The following LRRC1 variants were observed in gnomAD, a reference collection of about 807,000 sequenced individuals.
LRRC1 encodes the protein leucine-rich repeat-containing protein 1.
A neutral mutation model predicts 69.9 loss-of-function variants in LRRC1; 28 were observed. The ratio of observed to expected loss-of-function variants is 0.40; its 90% CI spans 0.30 to 0.55. The LOEUF is 0.55. Ranked by LOEUF, LRRC1 falls within the 20% of genes least tolerant of loss-of-function variation. The pLI is 0.47. For synonymous variants in LRRC1, 236 were observed against 240.2 expected, an observed-to-expected ratio of 0.98 and a Z score of 0.16; for missense variants, 498 against 609.0, an observed-to-expected ratio of 0.82 and a Z score of 1.92.
chr6:53,865,771 G>A lies in LRRC1; in HGVS notation c.278-13222G>A, dbSNP rs556178620. Among the ~76,000 whole-genome samples, 4 of 151,814 alleles carry A rather than the reference G, an allele frequency of 2.6e-5. No individual in the cohort carries two copies. In the East Asian group the frequency reaches 7.7e-4, roughly 29 times the overall value. ...AGAGTCTTGCTTTGCCACCAGGCTG[G>A]AGTACAGTGGTGTGATCTCGGCTCA... On this transcript the variant is annotated intron_variant, in intron 2 of 13. Transcript: ENST00000370888.
At chr6:53,832,052 T>A (rs2127412793) in intron 1 of LRRC1, among the ~76,000 whole-genome samples, 1 of 152,292 alleles carries the variant, frequency 6.6e-6, no homozygotes. Context: ...TCAGAAAGAA[T>A]CTTCCTAACG....
chr6:53,809,100 T>G (rs761259855), intron 1 of LRRC1, among the ~76,000 whole-genome samples: 2 of 152,216 alleles, frequency 1.3e-5, no homozygotes, highest in East Asian at 1.9e-4. Flanking sequence ...AGCATTTGTT[T>G]TCTCATAGCA....
rs75304589 is a variant in LRRC1 at position 53,826,883 on chromosome 6, C to T, written c.160-15227C>T. 8.3e-3 allele frequency among the ~76,000 whole-genome samples: 1,259 copies of T among 151,666 alleles called. 12 individuals carry two copies. Among genetic ancestry groups the T allele is most frequent in the African/African-American group, 0.028 (1,148 of 41,284 alleles). On this transcript the variant is annotated intron_variant, in intron 1 of 13. Coordinates refer to ENST00000370888, the MANE Select transcript of LRRC1 (RefSeq NM_018214.5). ...CGATTAGTTTCCCTTTCCTTGGTGA[C>T]TATAATGCCTCTATTGTAAATGCAT...
rs117709491 is a variant in LRRC1 at position 53,797,845 on chromosome 6, G to A, written c.159+2430G>A. 2.0e-3 allele frequency among the ~76,000 whole-genome samples: 300 copies of A among 152,352 alleles called. 4 individuals carry two copies. In the East Asian group the frequency reaches 0.041, roughly 21 times the overall value. On this transcript the variant is annotated intron_variant, in intron 1 of 13. Coordinates refer to ENST00000370888, the MANE Select transcript of LRRC1 (RefSeq NM_018214.5). ...TGACTTTCTCAGGGCTGTCCAGTGA[G>A]TTAGATGCAGTTGCTGGTGGGTCTT...
intron 1 of LRRC1, among the ~76,000 whole-genome samples, chr6:53,812,785 T>C (rs933806934): frequency 6.6e-6 from 1 of 151,472 alleles, no homozygotes; most frequent in Admixed American, 6.6e-5. Context: ...GTTTTCTCAG[T>C]TCAGGATGAG....
intron 2 of LRRC1, among the ~76,000 whole-genome samples, chr6:53,861,290 C>T (rs1453508911): frequency 2.0e-5 from 3 of 151,894 alleles, no homozygotes; most frequent in South Asian, 2.1e-4. Context: ...GAACAATGCC[C>T]GAGTCCTACC....
chr6:53,849,585 C>T (rs754764852), intron 2 of LRRC1, among the ~76,000 whole-genome samples: 11 of 152,194 alleles, frequency 7.2e-5, no homozygotes, highest in African/African-American at 2.4e-4. Flanking sequence ...CACCAACATG[C>T]TCGCACCACT....
chr6:53,876,223 A>C (rs896466257), intron 2 of LRRC1, among the ~76,000 whole-genome samples: 2 of 152,112 alleles, frequency 1.3e-5, no homozygotes, highest in African/African-American at 4.8e-5. Flanking sequence ...CCCCCTTATA[A>C]TAACTATCAG....
At chr6:53,799,063 G>A (rs762792729) in intron 1 of LRRC1, among the ~76,000 whole-genome samples, 5 of 152,114 alleles carry the variant, frequency 3.3e-5, no homozygotes, top group Non-Finnish European at 5.9e-5. Context: ...CCAATATAGC[G>A]CTTCATGTAG....
chr6:53,825,293 A>G (rs1318627403), intron 1 of LRRC1, among the ~76,000 whole-genome samples: 1 of 152,232 alleles, frequency 6.6e-6, no homozygotes, highest in African/African-American at 2.4e-5. Flanking sequence ...AGGTCTAGGC[A>G]GAGGAATACA....
chr6:53,900,709 A>C (rs1477779123), intron 8 of LRRC1, among the ~76,000 whole-genome samples: 1 of 152,218 alleles, frequency 6.6e-6, no homozygotes, highest in East Asian at 1.9e-4. Flanking sequence ...TCTTTTAAAA[A>C]AAAATCAATC....
intron 10 of LRRC1, chr6:53,905,317 G>C (rs982198365): frequency 3.1e-5 from 4 of 129,428 alleles, no homozygotes; most frequent in African/African-American, 1.2e-4. Flanking sequence ...CCGGGTGACA[G>C]AGCGAGACTC....
intron 1 of LRRC1, among the ~76,000 whole-genome samples, chr6:53,797,158 C>T (rs1192320638): frequency 1.3e-5 from 2 of 151,012 alleles, no homozygotes; most frequent in African/African-American, 2.4e-5. Context: ...TGGGAAATTA[C>T]ATAATTTCCC....
At chr6:53,832,723 T>C (rs1765465432) in intron 1 of LRRC1, among the ~76,000 whole-genome samples, 2 of 152,194 alleles carry the variant, frequency 1.3e-5, no homozygotes, top group South Asian at 4.1e-4. Flanking sequence ...GAATCTTTGA[T>C]TTTCTGTCGT....
rs79284069 is a variant in LRRC1, at chr6:53,899,963, A to T, written c.787+72A>T. 1.7e-3 allele frequency: 2,268 copies of T among 1,345,646 alleles called. 41 individuals are homozygous for T. The East Asian group carries it at 0.038, about 23-fold the overall frequency. The allele number at this position is 1,345,646 out of a possible 1,614,324, so 83.4% of individuals were successfully genotyped here. ...TCTTGAGGGTTTGGGGCACACTTTG[A>T]TCCTTTGGTCACCACTTTCAGATGC... On this transcript the variant is annotated intron_variant, in intron 8 of 13. Coordinates refer to ENST00000370888, the MANE Select transcript of LRRC1 (RefSeq NM_018214.5).
chr6:53,812,684 C>T (rs1344161675), intron 1 of LRRC1, among the ~76,000 whole-genome samples: 23 of 98,814 alleles, frequency 2.3e-4, no homozygotes, highest in South Asian at 1.2e-3. Context: ...TGCAAGACTC[C>T]GTCTCAAAAA....
At position 53,896,561 on chromosome 6, in the gene LRRC1, C is replaced by G; in HGVS notation, c.503+7C>G. 1 of 1,608,298 alleles carries G rather than the reference C, an allele frequency of 6.2e-7. No individual in the cohort carries two copies. The highest frequency in any genetic ancestry group is 8.5e-7 in the Non-Finnish European group (1 of 1,174,996). ...TTCTTACATATCTTCCTGAGTGAGT[C>G]TTTGGGGAAAATAAGAGGAGATTTT... On this transcript the variant is annotated splice_region_variant and intron_variant, in intron 5 of 13. Transcript: ENST00000370888.
In LRRC1 at chr6:53,897,684, G is replaced by A. The variant is rs141506027; in HGVS notation, c.642+325G>A. Among the ~76,000 whole-genome samples the A allele has an allele frequency of 3.3e-3, 502 of 152,206 alleles. 2 individuals are homozygous for A. Among genetic ancestry groups the A allele is most frequent in the African/African-American group, 0.011 (477 of 41,524 alleles). On this transcript the variant is annotated intron_variant, in intron 7 of 13. Coordinates refer to ENST00000370888, the MANE Select transcript of LRRC1 (RefSeq NM_018214.5). ...AATTGCCAGGACCCATGATTCTGATGGTATACCTTTCCGCCACTCCATGAT... is the reference window on the plus strand; with the variant it reads ...AATTGCCAGGACCCATGATTCTGATAGTATACCTTTCCGCCACTCCATGAT...
chr6:53,831,541 A>C (rs1331281547), intron 1 of LRRC1, among the ~76,000 whole-genome samples: 2 of 152,154 alleles, frequency 1.3e-5, no homozygotes, highest in Admixed American at 1.3e-4. Flanking sequence ...GGCTGCAATA[A>C]ATTGTATTAA....
Sources: allele counts gnomAD v4.1 joint callset (sites outside exome capture counted in the v4.1 genomes callset), GRCh38; gene constraint gnomAD v4.1.1; transcripts MANE v1.5; gene names NCBI Gene and HGNC (gene_info 2026-07-23, HGNC 2026-07-21).